Variants in BCAS3 observed in about 807,000 individuals in gnomAD.
BCAS3 encodes the protein BCAS4/BCAS3 fusion.
A neutral mutation model predicts 116.1 loss-of-function variants in BCAS3; 53 were observed. The ratio of observed to expected loss-of-function variants is 0.46; its 90% CI spans 0.37 to 0.57. The LOEUF (loss-of-function observed/expected upper bound fraction) is 0.57. Ranked by LOEUF, BCAS3 falls within the 20% of genes least tolerant of loss-of-function variation. The pLI, the probability that BCAS3 is intolerant of heterozygous loss-of-function variation, is 0.00. For synonymous variants in BCAS3, 391 were observed against 408.2 expected, an observed-to-expected ratio of 0.96 and a Z score of 0.51; for missense variants, 917 against 1,165.4, an observed-to-expected ratio of 0.79 and a Z score of 3.10.
At chr17:60,842,862 C>CTT (rs1264168541) in intron 7 of BCAS3, among the ~76,000 whole-genome samples, 3 of 144,480 alleles carry the variant, frequency 2.1e-5, no homozygotes, top group African/African-American at 7.5e-5. Context: ...ATTCTCTTAG[C>CTT]TTTTTTTTTT....
intron 10 of BCAS3, among the ~76,000 whole-genome samples, chr17:60,899,359 C>T (rs1264788356): frequency 6.6e-6 from 1 of 152,158 alleles, no homozygotes; most frequent in Non-Finnish European, 1.5e-5. Flanking sequence ...GCAACTCATG[C>T]CTGCTCATGT....
rs58592544 is a variant in BCAS3, at chr17:61,361,511, C to T, written c.2426-6816C>T. Among the ~76,000 whole-genome samples the T allele has an allele frequency of 0.012, 1,899 of 152,056 alleles. 37 individuals are homozygous for T. The highest frequency in any genetic ancestry group is 0.044 in the African/African-American group (1,808 of 41,474). ...CTATATCTATCTCACTGTGGGAGAA[C>T]GCTGGCTCATATAATTGGCCATCAG... On this transcript the variant is annotated intron_variant, in intron 22 of 23. Transcript: ENST00000407086. The surrounding 1 kb of genome is among the most constrained non-coding windows in gnomAD (Gnocchi z 6.5).
Position 61,244,182 on chromosome 17 carries a change from CAG to C in BCAS3, c.2426-124143_2426-124142del, listed in dbSNP as rs2144515221. On this transcript the variant is annotated intron_variant, in intron 22 of 23. Coordinates refer to ENST00000407086, the MANE Select transcript of BCAS3 (RefSeq NM_017679.5). This position sits in a 1 kb window ranked among gnomAD's most constrained non-coding sequence, Gnocchi z 4.9. ...ATTATTTAAAAAGCTTAAGAAAAAA[CAG>C]AAGAAAAAAGAAAACTAAAATCACT... 1.3e-5 allele frequency among the ~76,000 whole-genome samples: 2 copies of C among 152,164 alleles called. No homozygotes were observed. The highest frequency in any genetic ancestry group is 2.1e-4 in the South Asian group (1 of 4,820).
intron 8 of BCAS3, among the ~76,000 whole-genome samples, chr17:60,870,515 T>C (rs2055008847): frequency 6.6e-6 from 1 of 152,122 alleles, no homozygotes; most frequent in African/African-American, 2.4e-5. Context: ...GTAATAAGTC[T>C]TCAAATAAAT....
At chr17:60,734,767 C>G (rs2040803941) in intron 5 of BCAS3, among the ~76,000 whole-genome samples, 1 of 152,188 alleles carries the variant, frequency 6.6e-6, no homozygotes, top group African/African-American at 2.4e-5. Context: ...CATCAGTGTT[C>G]TGACTTTGCT....
At chr17:60,853,677 T>C (rs2053387772) in intron 7 of BCAS3, among the ~76,000 whole-genome samples, 1 of 152,232 alleles carries the variant, frequency 6.6e-6, no homozygotes, top group African/African-American at 2.4e-5. Context: ...GTAAGTTCCA[T>C]GAGGCCATAA....
At position 61,368,294 on chromosome 17, in the gene BCAS3, G is replaced by C. The variant is rs1301900485; in HGVS notation, c.2426-33G>C. ...GAATGGCCTGCTCCCTGAAGGTGTG[G>C]ACTCAACGTCAGATGTCCCGTGTGT... On this transcript the variant is annotated intron_variant, in intron 22 of 23. Transcript: ENST00000407086. This position sits in a 1 kb window ranked among gnomAD's most constrained non-coding sequence, Gnocchi z 6.0. 4 of 1,561,270 alleles carry C rather than the reference G, an allele frequency of 2.6e-6. No individual in the cohort carries two copies. The highest frequency in any genetic ancestry group is 3.5e-6 in the Non-Finnish European group (4 of 1,144,548).
intron 22 of BCAS3, among the ~76,000 whole-genome samples, chr17:61,358,889 C>T (rs1190542399): frequency 2.0e-5 from 3 of 152,102 alleles, no homozygotes; most frequent in African/African-American, 7.2e-5. Flanking sequence ...CGTTCTTACG[C>T]GTGTTGAGTA....
chr17:60,754,246 C>T (rs1388481023), intron 6 of BCAS3, among the ~76,000 whole-genome samples: 1 of 151,922 alleles, frequency 6.6e-6, no homozygotes, highest in Non-Finnish European at 1.5e-5. Context: ...TGCTCTGTCA[C>T]CCAAGCTAGA....
At chr17:61,116,141 A>G (rs1165521716) in intron 22 of BCAS3, among the ~76,000 whole-genome samples, 1 of 151,890 alleles carries the variant, frequency 6.6e-6, no homozygotes, top group Non-Finnish European at 1.5e-5. Flanking sequence ...ACCTAATGCT[A>G]GATAACGAGT....
At chr17:60,915,297 C>CT (rs1240061033) in intron 12 of BCAS3, among the ~76,000 whole-genome samples, 2 of 152,164 alleles carry the variant, frequency 1.3e-5, no homozygotes, top group Non-Finnish European at 2.9e-5. Context: ...ATGATACACT[C>CT]TGTTAACTAG....
chr17:60,757,547 A>G, intron 6 of BCAS3, among the ~76,000 whole-genome samples: 1 of 151,396 alleles, frequency 6.6e-6, no homozygotes, highest in Non-Finnish European at 1.5e-5. Context: ...CTGTATACGT[A>G]TTGGCCATTA....
Position 60,709,250 on chromosome 17 carries a change from A to C in BCAS3, c.246A>C (p.Ile82=), listed in dbSNP as rs1350577822. The C allele has an allele frequency of 6.3e-7, 1 of 1,587,786 alleles. No individual in the cohort carries two copies. The highest frequency in any genetic ancestry group is 1.3e-5 in the African/African-American group (1 of 74,736). The part of the protein sequence containing the change: ...DTSRNLEFHE[I]HSTGNEPPLL... ...CAAGAAATCTGGAATTTCATGAAAT[A>C]CATAGTACTGGGAATGAACCGCCTT... The change falls in exon 5 of 24, where the codon ATA becomes ATC. Residue 82 remains isoleucine (I), a synonymous_variant. Transcript: ENST00000407086.
intron 7 of BCAS3, among the ~76,000 whole-genome samples, chr17:60,814,305 G>A (rs562616258): frequency 7.5e-6 from 1 of 133,222 alleles, no homozygotes; most frequent in South Asian, 2.1e-4. Context: ...GTGTGTGTGT[G>A]TGCGCGCGTG....
chr17:60,914,586 G>T (rs189810815), intron 12 of BCAS3, among the ~76,000 whole-genome samples: 5 of 152,238 alleles, frequency 3.3e-5, no homozygotes, highest in Non-Finnish European at 1.5e-5. Context: ...GTTGACCATT[G>T]AACAACATGG....
At chr17:60,938,751 T>TAGAC (rs1298033952) in intron 13 of BCAS3, among the ~76,000 whole-genome samples, 3 of 151,826 alleles carry the variant, frequency 2.0e-5, no homozygotes, top group Non-Finnish European at 4.4e-5. Flanking sequence ...GATAGATAGA[T>TAGAC]AGATAGATAT....
chr17:60,808,492 T>C (rs1293012283), intron 7 of BCAS3, among the ~76,000 whole-genome samples: 1 of 152,196 alleles, frequency 6.6e-6, no homozygotes, highest in Non-Finnish European at 1.5e-5. Context: ...TAGTGTGCAC[T>C]TCAGATCATG....
At chr17:61,353,807 C>G (rs1012728827) in intron 22 of BCAS3, 1 of 152,272 alleles carries the variant, frequency 6.6e-6, no homozygotes, top group Non-Finnish European at 1.5e-5. Flanking sequence ...GAGGGCTGAA[C>G]AGATGCTCTG....
At chr17:60,865,437 T>C (rs2054510478) in intron 7 of BCAS3, among the ~76,000 whole-genome samples, 1 of 152,196 alleles carries the variant, frequency 6.6e-6, no homozygotes, top group Admixed American at 6.5e-5. Flanking sequence ...TTACTATTAT[T>C]TATTTAGGTC....
Sources: gnomAD v4.1 joint callset for allele counts (sites outside exome capture counted in the v4.1 genomes callset) on GRCh38, gnomAD v4.1.1 for gene constraint, Gnocchi (gnomAD v3.1) non-coding constraint, MANE v1.5 for transcripts, NCBI Gene and HGNC (gene_info 2026-07-23, HGNC 2026-07-21) for gene names.